RBFOX1: variants seen among roughly 807,000 people sequenced by gnomAD.
RBFOX1 encodes the protein RNA binding protein fox-1 homolog 1.
Under a neutral mutation model 57.7 loss-of-function variants are expected in RBFOX1, and 8 were observed. That is an observed-to-expected ratio of 0.14 (90% CI 0.08 to 0.25). RBFOX1 has a LOEUF of 0.25. Among genes scored for constraint, RBFOX1 ranks in the 10% least tolerant of loss-of-function variants. The pLI, the probability that RBFOX1 is intolerant of heterozygous loss-of-function variation, is 1.00. For missense variants in RBFOX1, 611 were observed against 548.5 expected, an observed-to-expected ratio of 1.11 and a Z score of -1.14; for synonymous variants, 326 against 222.4, an observed-to-expected ratio of 1.47 and a Z score of -4.15.
chr16:6,981,484 C>T (rs1292155993), intron 3 of RBFOX1, among the ~76,000 whole-genome samples: 1 of 152,114 alleles, frequency 6.6e-6, no homozygotes. Context: ...GATTCTTTAT[C>T]CAGTGTATTA....
At chr16:5,511,557 C>G (rs1478094040) in intron 2 of RBFOX1, among the ~76,000 whole-genome samples, 1 of 152,178 alleles carries the variant, frequency 6.6e-6, no homozygotes, top group East Asian at 1.9e-4. Flanking sequence ...TTCTTTCTCC[C>G]TCCTCCTAGA....
chr16:7,304,685 G>A (rs2096129250), intron 4 of RBFOX1, among the ~76,000 whole-genome samples: 1 of 152,148 alleles, frequency 6.6e-6, no homozygotes, highest in Admixed American at 6.5e-5. Context: ...GCACCTGTCC[G>A]AATACTTTAA....
chr16:6,399,070 C>T (rs146104239), intron 2 of RBFOX1, among the ~76,000 whole-genome samples: 66 of 152,342 alleles, frequency 4.3e-4, no homozygotes, highest in African/African-American at 1.5e-3. Flanking sequence ...AGCAATACCA[C>T]GTGAAAGCTG....
intron 2 of RBFOX1, among the ~76,000 whole-genome samples, chr16:6,570,964 C>T (rs1278687130): frequency 2.6e-5 from 4 of 151,964 alleles, no homozygotes; most frequent in Non-Finnish European, 4.4e-5. Context: ...CTCTGGGTAC[C>T]CTGTTTTCAA....
At chr16:7,672,510 G>A (rs2071805416) in intron 13 of RBFOX1, among the ~76,000 whole-genome samples, 1 of 152,126 alleles carries the variant, frequency 6.6e-6, no homozygotes, top group Non-Finnish European at 1.5e-5. Context: ...AAATTCCTGA[G>A]ATGAACTTTC....
chr16:5,968,536 T>C (rs139778955), intron 4 of RBFOX1, among the ~76,000 whole-genome samples: 5 of 152,344 alleles, frequency 3.3e-5, no homozygotes, highest in African/African-American at 1.2e-4. Flanking sequence ...TTTCCTTTTC[T>C]TCAGGCCTAC....
At chr16:5,276,019 T>G (rs989615343) in intron 1 of RBFOX1, among the ~76,000 whole-genome samples, 14 of 152,182 alleles carry the variant, frequency 9.2e-5, no homozygotes, top group African/African-American at 3.1e-4. Context: ...TCTCTCACCT[T>G]ATACAAAAAT....
intron 5 of RBFOX1, among the ~76,000 whole-genome samples, chr16:7,547,148 C>T (rs1015053796): frequency 5.3e-5 from 8 of 152,250 alleles, no homozygotes; most frequent in African/African-American, 1.9e-4. Flanking sequence ...TAACGCACAG[C>T]CCTGCATATT....
intron 1 of RBFOX1, among the ~76,000 whole-genome samples, chr16:6,232,915 C>T (rs539491634): frequency 7.9e-5 from 12 of 152,224 alleles, no homozygotes; most frequent in African/African-American, 2.9e-4. Flanking sequence ...GAGATGTGGA[C>T]AGCGTCAGTG....
chr16:5,833,373 T>C, intron 3 of RBFOX1, among the ~76,000 whole-genome samples: 1 of 151,500 alleles, frequency 6.6e-6, no homozygotes, highest in Admixed American at 6.6e-5. Flanking sequence ...CAGGCACCTG[T>C]AGTCCCAGCT....
intron 3 of RBFOX1, among the ~76,000 whole-genome samples, chr16:5,676,974 ACT>A (rs1212272634): frequency 6.6e-6 from 1 of 152,166 alleles, no homozygotes; most frequent in African/African-American, 2.4e-5. Flanking sequence ...AGCAAGTATG[ACT>A]CTCTGTCCAC....
chr16:7,136,985 C>T (rs1000597815), intron 4 of RBFOX1, among the ~76,000 whole-genome samples: 1 of 152,220 alleles, frequency 6.6e-6, no homozygotes, highest in Non-Finnish European at 1.5e-5. Context: ...CCCTGCCTCC[C>T]TGCAACAGGA....
At chr16:6,602,551 C>G (rs2097865509) in intron 2 of RBFOX1, among the ~76,000 whole-genome samples, 1 of 152,104 alleles carries the variant, frequency 6.6e-6, no homozygotes, top group African/African-American at 2.4e-5. Flanking sequence ...GAAAGGCCAC[C>G]TGCAGGACAG....
chr16:6,289,155 T>C (rs1434203165), intron 1 of RBFOX1, among the ~76,000 whole-genome samples: 1 of 152,226 alleles, frequency 6.6e-6, no homozygotes, highest in African/African-American at 2.4e-5. Flanking sequence ...GGGGATGATC[T>C]TTCCTCCAAA....
At chr16:5,939,900 A>G (rs1327932689) in intron 4 of RBFOX1, among the ~76,000 whole-genome samples, 2 of 152,214 alleles carry the variant, frequency 1.3e-5, no homozygotes, top group African/African-American at 4.8e-5. Context: ...AGTAGGCTTC[A>G]CAGTCAAGCA....
intron 1 of RBFOX1, among the ~76,000 whole-genome samples, chr16:5,372,912 C>G (rs947136270): frequency 6.6e-6 from 1 of 152,260 alleles, no homozygotes; most frequent in Non-Finnish European, 1.5e-5. Context: ...TTCAGCTTCT[C>G]TTGGTCTTCT....
chr16:6,926,651 G>A (rs1045740960), intron 3 of RBFOX1, among the ~76,000 whole-genome samples: 32 of 152,090 alleles, frequency 2.1e-4, no homozygotes, highest in Non-Finnish European at 7.3e-5. Context: ...ACAGCTTTGC[G>A]GGCTGAGTAA....
At chr16:5,471,104 G>T (rs755276753) in intron 2 of RBFOX1, among the ~76,000 whole-genome samples, 40 of 152,224 alleles carry the variant, frequency 2.6e-4, no homozygotes, top group Middle Eastern at 3.4e-3. Context: ...AAAGTGCTGG[G>T]ATTGCAGGCG....
intron 1 of RBFOX1, among the ~76,000 whole-genome samples, chr16:5,243,890 C>A (rs562472786): frequency 6.6e-6 from 1 of 151,962 alleles, no homozygotes; most frequent in Non-Finnish European, 1.5e-5. Flanking sequence ...CTGGGCATAG[C>A]ATTTATTTAT....
Sources: allele counts gnomAD v4.1 joint callset (sites outside exome capture counted in the v4.1 genomes callset), GRCh38; gene constraint gnomAD v4.1.1; transcripts MANE v1.5; gene names NCBI Gene and HGNC (gene_info 2026-07-23, HGNC 2026-07-21).